The following MXI1 variants were observed in gnomAD, a reference collection of about 807,000 sequenced individuals.
MXI1 encodes max-interacting protein 1.
In MXI1, 18 loss-of-function variants were observed where a neutral mutation model predicts 36.9. The ratio of observed to expected loss-of-function variants is 0.49; its 90% CI spans 0.34 to 0.72. The LOEUF (loss-of-function observed/expected upper bound fraction) is 0.72. Among genes scored for constraint, MXI1 ranks in the 30% least tolerant of loss-of-function variants. The pLI is 0.01. For missense variants in MXI1, 304 were observed against 379.1 expected (o/e 0.80, Z 1.64); for synonymous variants, 160 against 146.7 (o/e 1.09, Z -0.65).
At chr10:110,250,298 G>A (rs1173353591) in intron 3 of MXI1, among the ~76,000 whole-genome samples, 4 of 152,142 alleles carry the variant, frequency 2.6e-5, no homozygotes, top group African/African-American at 9.7e-5. Context: ...CTAGGAGATG[G>A]AGGGGAAGCA....
chr10:110,216,449 A>G (rs1854637359), intron 1 of MXI1, among the ~76,000 whole-genome samples: 1 of 152,090 alleles, frequency 6.6e-6, no homozygotes, highest in Admixed American at 6.5e-5. Context: ...GCCAGGTTTT[A>G]GAGGTAGAGT....
intron 1 of MXI1, among the ~76,000 whole-genome samples, chr10:110,217,125 T>C (rs1244329700): frequency 1.3e-5 from 2 of 152,166 alleles, no homozygotes; most frequent in Non-Finnish European, 2.9e-5. Context: ...ACTTGGAGGA[T>C]TGTCCACACC....
intron 1 of MXI1, among the ~76,000 whole-genome samples, chr10:110,209,414 A>T (rs1448163214): frequency 6.6e-6 from 1 of 152,186 alleles, no homozygotes; most frequent in Non-Finnish European, 1.5e-5. Flanking sequence ...CACCCAACAC[A>T]ACAACCCTCA....
chr10:110,207,697 T>C lies in MXI1; in HGVS notation c.-112T>C, dbSNP rs545372701. ...GAGGCTCGGGAAGTCAGGCCGGCTT[T>C]TCGCCCCGGCGCCTTCTCTGCTCCA... On this transcript the variant is annotated 5_prime_UTR_variant, in exon 1 of 6. Transcript: ENST00000332674. 9.3e-6 allele frequency: 6 copies of C among 648,606 alleles called. No individual in the cohort carries two copies. In the East Asian group the frequency reaches 6.0e-4, roughly 64 times the overall value. The allele number at this position is 648,606 out of a possible 1,614,324, so 40.2% of individuals were successfully genotyped here.
chr10:110,228,151 ATTC>A (rs1855129074), intron 1 of MXI1, 35 bp from the exon 2 acceptor site: 3 of 1,610,700 alleles, frequency 1.9e-6, no homozygotes, highest in Non-Finnish European at 1.7e-6. Flanking sequence ...TGGGTACTAT[ATTC>A]TTCTTACCGT....
intron 2 of MXI1, among the ~76,000 whole-genome samples, chr10:110,234,094 G>A (rs969161859): frequency 2.0e-5 from 3 of 152,182 alleles, no homozygotes; most frequent in Admixed American, 1.3e-4. Flanking sequence ...CCTTACAGCT[G>A]TAGATGATGG....
At chr10:110,228,384 C>G (rs892093467) in intron 2 of MXI1, 63 bp downstream of exon 2, 2 of 1,599,408 alleles carry the variant, frequency 1.3e-6, no homozygotes, top group Non-Finnish European at 1.7e-6. Context: ...CTCCTGTAAT[C>G]CCAAGTCTGA....
At chr10:110,242,277 G>C (rs1219284872) in intron 2 of MXI1, among the ~76,000 whole-genome samples, 1 of 151,882 alleles carries the variant, frequency 6.6e-6, no homozygotes, top group Non-Finnish European at 1.5e-5. Flanking sequence ...TATTTATTTT[G>C]CCTTCAGTTA....
At chr10:110,218,270 G>C (rs1328030027) in intron 1 of MXI1, among the ~76,000 whole-genome samples, 2 of 152,084 alleles carry the variant, frequency 1.3e-5, no homozygotes, top group Non-Finnish European at 2.9e-5. Flanking sequence ...CTAACACGCT[G>C]AAATCCCGTC....
intron 3 of MXI1, among the ~76,000 whole-genome samples, chr10:110,276,326 G>C (rs1414980235): frequency 6.6e-6 from 1 of 152,026 alleles, no homozygotes; most frequent in Non-Finnish European, 1.5e-5. Flanking sequence ...CATTTATTCA[G>C]ATTTTTTCAA....
chr10:110,284,801 C>CTTT (rs138538431), intron 5 of MXI1, 23 bp from the exon 6 acceptor site: 3 of 1,195,746 alleles, frequency 2.5e-6, no homozygotes, highest in Admixed American at 2.3e-5. Flanking sequence ...TAATGTTCTT[C>CTTT]TTTTTTTTTT....
At chr10:110,229,160 T>C (rs988984206) in intron 2 of MXI1, among the ~76,000 whole-genome samples, 1 of 152,250 alleles carries the variant, frequency 6.6e-6, no homozygotes, top group African/African-American at 2.4e-5. Flanking sequence ...AGGGAGCCAG[T>C]GAATTCCTAG....
chr10:110,260,696 A>G (rs1289351600), intron 3 of MXI1, among the ~76,000 whole-genome samples: 1 of 151,966 alleles, frequency 6.6e-6, no homozygotes. Flanking sequence ...TGCCCTAAGA[A>G]ACATATATTT....
chr10:110,227,223 TGGGAGGGATGGTGCGCGG>T, intron 1 of MXI1: 1 of 204,112 alleles, frequency 4.9e-6, no homozygotes. Context: ...GGTGCGCGCG[TGGGAGGGATGGTGCGCGG>T]GGGGGAGGGG....
intron 3 of MXI1, among the ~76,000 whole-genome samples, chr10:110,254,287 T>G (rs1192721362): frequency 1.3e-5 from 2 of 152,144 alleles, no homozygotes; most frequent in Non-Finnish European, 2.9e-5. Flanking sequence ...GATGTTATTA[T>G]TGTAATTGTT....
chr10:110,264,497 CT>C (rs1391330572), intron 3 of MXI1, among the ~76,000 whole-genome samples: 1 of 151,448 alleles, frequency 6.6e-6, no homozygotes, highest in Non-Finnish European at 1.5e-5. Flanking sequence ...TCCCGAGTTG[CT>C]GGGATTACAG....
chr10:110,228,398 A>G, intron 2 of MXI1, 77 bp downstream of exon 2: 1 of 1,571,664 alleles, frequency 6.4e-7, no homozygotes, highest in Non-Finnish European at 8.7e-7. Flanking sequence ...AGTCTGAAGG[A>G]GCAGCACTTG....
Position 110,285,159 on chromosome 10 carries a change from C to CA in MXI1, c.*177dup, listed in dbSNP as rs770488325. On this transcript the variant is annotated 3_prime_UTR_variant, in exon 6 of 6. Transcript: ENST00000332674. ...GACCTGTATTTAAGCAAATACTTAG[C>CA]AAAAAGTGGGGCAGAGCCTCCCAAG... The CA allele has an allele frequency of 3.8e-6, 2 of 532,004 alleles. No individual in the cohort carries two copies. The highest frequency in any genetic ancestry group is 5.9e-6 in the Non-Finnish European group (2 of 338,308). The allele number at this position is 532,004 out of a possible 1,614,324, so 33.0% of individuals were successfully genotyped here. A position where few individuals can be genotyped will look rare whatever the true frequency, so the allele number is the denominator to read the frequency against.
intron 1 of MXI1, chr10:110,225,926 A>G (rs1854948839): frequency 1.3e-6 from 1 of 778,692 alleles, no homozygotes; most frequent in African/African-American, 1.9e-5. Flanking sequence ...CCCAGGGGGC[A>G]GAGGCAGGGG....
Sources: allele counts gnomAD v4.1 joint callset (sites outside exome capture counted in the v4.1 genomes callset), GRCh38; gene constraint gnomAD v4.1.1; transcripts MANE v1.5; gene names NCBI Gene and HGNC (gene_info 2026-07-23, HGNC 2026-07-21).